Variants in KIF26A observed in about 807,000 individuals in gnomAD.
The protein encoded by KIF26A is kinesin-like protein KIF26A.
A neutral mutation model predicts 126.0 loss-of-function variants in KIF26A; 74 were observed. That is an observed-to-expected ratio of 0.59 (90% CI 0.49 to 0.71). The LOEUF is 0.71. Ranked by LOEUF, KIF26A falls within the 30% of genes least tolerant of loss-of-function variation. The pLI is 0.00. For missense variants in KIF26A, 2,984 were observed against 2,763.3 expected, an observed-to-expected ratio of 1.08 and a Z score of -1.79; for synonymous variants, 1,445 against 1,232.7, an observed-to-expected ratio of 1.17 and a Z score of -3.61.
chr14:104,161,781 CAG>C (rs1329585789), intron 4 of KIF26A, among the ~76,000 whole-genome samples: 3 of 152,342 alleles, frequency 2.0e-5, no homozygotes, highest in Non-Finnish European at 4.4e-5. Flanking sequence ...ACACCCATCT[CAG>C]GGCATCAGGG....
chr14:104,176,993 C>A lies in KIF26A; in HGVS notation c.4205C>A (p.Pro1402His), dbSNP rs1258962452. 2 of 1,543,438 alleles carry A rather than the reference C, an allele frequency of 1.3e-6. No individual in the cohort carries two copies. Among genetic ancestry groups the A allele is most frequent in the South Asian group, 2.4e-5 (2 of 84,644 alleles). Residue 1402 changes from proline (P) to histidine (H), a missense_variant, in exon 12 of 15, where the codon CCC (proline) becomes CAC (histidine). Pro to His is a moderately conservative substitution (Grantham distance 77, BLOSUM62 -2). Transcript: ENST00000423312. ...AAAVLRGEEEPRPSSRADHSV... is the reference protein window; with the variant it reads ...AAAVLRGEEEHRPSSRADHSV... ...GCTGTCCTTCGAGGGGAGGAGGAGC[C>A]CAGACCCAGCAGCCGGGCTGACCAC...
Position 104,175,129 on chromosome 14 carries a change from T to A in KIF26A, c.2341T>A (p.Ser781Thr). Residue 781 changes from serine (S) to threonine (T), a missense_variant, in exon 12 of 15, where the codon TCC becomes ACC. Coordinates refer to ENST00000423312, the MANE Select transcript of KIF26A (RefSeq NM_015656.2). ...PCLPGDPDYS[S>T]SSEQSCDTVI... ...CCTGCCCGGTGACCCCGATTACTCC[T>A]CCAGCAGCGAGCAGTCCTGTGACAC... is the stretch of plus-strand genomic sequence containing the variant. The A allele has an allele frequency of 6.2e-7, 1 of 1,606,940 alleles. No homozygotes were observed. Among genetic ancestry groups the A allele is most frequent in the Non-Finnish European group, 8.5e-7 (1 of 1,177,742 alleles).
At chr14:104,170,582 A>G (rs1043358971) in intron 5 of KIF26A, among the ~76,000 whole-genome samples, 3 of 152,260 alleles carry the variant, frequency 2.0e-5, no homozygotes, top group African/African-American at 7.2e-5. Context: ...TAGTGGAGAA[A>G]TCAGAGATTT....
intron 5 of KIF26A, 46 bp downstream of exon 5, chr14:104,167,094 G>A (rs2037913737): frequency 6.9e-7 from 1 of 1,454,608 alleles, no homozygotes; most frequent in Non-Finnish European, 9.1e-7. Flanking sequence ...GAGGCCAGAG[G>A]CGTCTGAGAA....
intron 2 of KIF26A, among the ~76,000 whole-genome samples, chr14:104,142,414 G>A (rs1450479644): frequency 7.2e-6 from 1 of 138,422 alleles, no homozygotes; most frequent in Non-Finnish European, 1.7e-5. Flanking sequence ...GGACCCCCAT[G>A]GCCTGGAGCG....
intron 2 of KIF26A, among the ~76,000 whole-genome samples, chr14:104,144,675 C>G (rs990950157): frequency 6.6e-6 from 1 of 152,194 alleles, no homozygotes; most frequent in African/African-American, 2.4e-5. Context: ...AGCTCTGGGC[C>G]GCGTGGGACT....
intron 4 of KIF26A, among the ~76,000 whole-genome samples, chr14:104,166,640 G>A (rs980003004): frequency 2.0e-5 from 3 of 152,004 alleles, no homozygotes; most frequent in Non-Finnish European, 2.9e-5. Flanking sequence ...TGGTGTGAAT[G>A]CTGGGCAGAG....
intron 6 of KIF26A, 60 bp from the exon 7 acceptor site, chr14:104,172,515 G>T: frequency 7.6e-7 from 1 of 1,322,606 alleles, no homozygotes; most frequent in Admixed American, 1.8e-5. Flanking sequence ...CCGGCCTCAG[G>T]CCCACAGACG....
At chr14:104,159,045 C>T (rs753347046) in intron 4 of KIF26A, among the ~76,000 whole-genome samples, 7 of 152,326 alleles carry the variant, frequency 4.6e-5, no homozygotes, top group Admixed American at 1.3e-4. Flanking sequence ...TGCAGAGTGA[C>T]GGGGCATATG....
chr14:104,146,777 T>G (rs1338979017), intron 2 of KIF26A, among the ~76,000 whole-genome samples: 1 of 151,980 alleles, frequency 6.6e-6, no homozygotes, highest in Non-Finnish European at 1.5e-5. Flanking sequence ...CTCCAAGGGG[T>G]GGGCATGTGA....
intron 3 of KIF26A, among the ~76,000 whole-genome samples, chr14:104,156,806 A>C (rs73358286): frequency 0.03 from 4,562 of 152,278 alleles, 232 homozygotes; most frequent in African/African-American, 0.1. Context: ...AGACCAGCCC[A>C]CGTCCCCTCA....
At chr14:104,158,295 G>T (rs2037802144) in intron 4 of KIF26A, among the ~76,000 whole-genome samples, 1 of 152,236 alleles carries the variant, frequency 6.6e-6, no homozygotes, top group Non-Finnish European at 1.5e-5. Context: ...CGTCAGCTGG[G>T]CTCTTCCTCA....
intron 3 of KIF26A, among the ~76,000 whole-genome samples, chr14:104,153,523 A>C (rs2037749611): frequency 8.0e-6 from 1 of 124,764 alleles, no homozygotes; most frequent in Non-Finnish European, 1.7e-5. Context: ...GCCGAACCCC[A>C]CCCTTGCCAT....
rs1234818964 is a variant in KIF26A at position 104,179,965 on chromosome 14, C to T, written c.*175C>T. The stretch of plus-strand genomic sequence containing the variant: ...GAGGGAGGGCCGGCCACGCGGTGGA[C>T]AGAGCGAGGGTGCCAGGGTGACCAG... On this transcript the variant is annotated 3_prime_UTR_variant, in exon 15 of 15. Transcript: ENST00000423312. 3 of 684,986 alleles carry T rather than the reference C, an allele frequency of 4.4e-6. No individual in the cohort carries two copies. The highest frequency in any genetic ancestry group is 7.0e-6 in the Non-Finnish European group (3 of 428,004). 42.4% of individuals were successfully genotyped at this position (684,986 alleles called of 1,614,324 possible).
In KIF26A at chr14:104,157,739, C is replaced by G. The variant is rs2037793761; in HGVS notation, c.736-16C>G. The G allele has an allele frequency of 6.2e-7, 1 of 1,608,572 alleles. No homozygotes were observed. ...TGCCCTTGCGTTCCTTATACGCACT[C>G]TCTCCTTCCCTCCAGGCCGAGGCAG... On this transcript the variant is annotated splice_polypyrimidine_tract_variant and intron_variant, in intron 3 of 14. Coordinates refer to ENST00000423312, the MANE Select transcript of KIF26A (RefSeq NM_015656.2).
intron 3 of KIF26A, among the ~76,000 whole-genome samples, chr14:104,156,620 GCCATGGGTTGGGCAGGGTGAGCCCT>G (rs1254147445): frequency 7.0e-5 from 10 of 142,960 alleles, no homozygotes; most frequent in Admixed American, 2.1e-4. Flanking sequence ...GGGTGAGCCG[GCCATGGGTTGGGCAGGGTGAGCCCT>G]CCATGGTGGT....
At chr14:104,138,961 C>T in intron 1 of KIF26A, 82 bp from the exon 2 acceptor site, 1 of 1,304,320 alleles carries the variant, frequency 7.7e-7, no homozygotes. Context: ...GCAAGAGCGT[C>T]ACGCTGGGGC....
intron 13 of KIF26A, 34 bp from the exon 14 acceptor site, chr14:104,179,202 C>T: frequency 7.0e-7 from 1 of 1,430,456 alleles, no homozygotes; most frequent in Non-Finnish European, 9.1e-7. Context: ...GGAGAGGGTC[C>T]CATGCCTGAG....
Position 104,179,895 on chromosome 14 carries a change from T to A in KIF26A, c.*105T>A. The A allele has an allele frequency of 8.3e-7, 1 of 1,197,628 alleles. No homozygotes were observed. Among genetic ancestry groups the A allele is most frequent in the Non-Finnish European group, 1.1e-6 (1 of 885,134 alleles). The allele number at this position is 1,197,628 out of a possible 1,614,324, so 74.2% of individuals were successfully genotyped here. On this transcript the variant is annotated 3_prime_UTR_variant, in exon 15 of 15. Transcript: ENST00000423312. ...GCTGCGGGGGGAGGATGCGGAGGGG[T>A]TTCTGTGCAGGACGGGAGTCTCAGA...
Sources: allele counts gnomAD v4.1 joint callset (sites outside exome capture counted in the v4.1 genomes callset), GRCh38; gene constraint gnomAD v4.1.1; transcripts MANE v1.5; gene names NCBI Gene and HGNC (gene_info 2026-07-23, HGNC 2026-07-21).